The following SDHAF3 variants were observed in gnomAD, a reference collection of about 807,000 sequenced individuals.
SDHAF3 encodes the protein succinate dehydrogenase assembly factor 3, mitochondrial.
In SDHAF3, 18 loss-of-function variants were observed where a neutral mutation model predicts 11.5. The ratio of observed to expected loss-of-function variants is 1.56; its 90% CI spans 1.08 to 2.32. The LOEUF (loss-of-function observed/expected upper bound fraction) is 2.32. Among genes scored for constraint, SDHAF3 ranks in the 30% most tolerant of loss-of-function variants. The pLI is 0.00. For missense variants in SDHAF3, 200 were observed against 154.4 expected (o/e 1.30, Z -1.57); for synonymous variants, 72 against 59.3 (o/e 1.21, Z -0.99).
chr7:97,137,837 G>T (rs1240436890), intron 1 of SDHAF3, among the ~76,000 whole-genome samples: 1 of 144,150 alleles, frequency 6.9e-6, no homozygotes, highest in Non-Finnish European at 1.5e-5. Context: ...CATGTCACTT[G>T]CCATTCCTTC....
At chr7:97,121,617 A>G (rs927202376) in intron 1 of SDHAF3, among the ~76,000 whole-genome samples, 2 of 152,226 alleles carry the variant, frequency 1.3e-5, no homozygotes, top group Non-Finnish European at 2.9e-5. Flanking sequence ...TTTTACTTTC[A>G]CAGTGTTCAA....
intron 1 of SDHAF3, among the ~76,000 whole-genome samples, chr7:97,133,437 C>T (rs995232982): frequency 2.6e-5 from 4 of 152,098 alleles, no homozygotes; most frequent in Admixed American, 2.0e-4. Flanking sequence ...GAGCTTTTTT[C>T]ATCAGACCTC....
intron 1 of SDHAF3, among the ~76,000 whole-genome samples, chr7:97,125,936 C>T (rs532474771): frequency 7.2e-5 from 11 of 152,304 alleles, no homozygotes; most frequent in Non-Finnish European, 4.4e-5. Flanking sequence ...GAATTTGCAG[C>T]ATTTTTGTGC....
In SDHAF3 at chr7:97,181,441, G is replaced by T; in HGVS notation, c.*226G>T. The T allele has an allele frequency of 2.7e-6, 1 of 368,702 alleles. No homozygotes were observed. Among genetic ancestry groups the T allele is most frequent in the South Asian group, 5.3e-5 (1 of 19,012 alleles). 22.8% of individuals were successfully genotyped at this position (368,702 alleles called of 1,614,324 possible). ...TGAAATTCAGTTTTGGAACTAAACA[G>T]CAAATTTCTAGAATTTTGCTGAAAA... On this transcript the variant is annotated 3_prime_UTR_variant, in exon 2 of 2. Transcript: ENST00000432641.
intron 1 of SDHAF3, among the ~76,000 whole-genome samples, chr7:97,157,084 C>T (rs761329644): frequency 4.2e-4 from 64 of 151,958 alleles, no homozygotes; most frequent in Non-Finnish European, 8.2e-4. Context: ...ATTTTAAATA[C>T]GAATTCTGTT....
intron 1 of SDHAF3, among the ~76,000 whole-genome samples, chr7:97,149,254 A>G (rs775946302): frequency 5.9e-5 from 9 of 152,046 alleles, no homozygotes; most frequent in Admixed American, 3.9e-4. Flanking sequence ...GTCTTTTGAT[A>G]TACATTTAGT....
At chr7:97,133,856 A>G (rs1791706649) in intron 1 of SDHAF3, among the ~76,000 whole-genome samples, 1 of 152,216 alleles carries the variant, frequency 6.6e-6, no homozygotes, top group Non-Finnish European at 1.5e-5. Context: ...GCTTTATTCG[A>G]ATAGATTTAA....
intron 1 of SDHAF3, among the ~76,000 whole-genome samples, chr7:97,148,838 A>G (rs1385964054): frequency 1.3e-5 from 2 of 152,162 alleles, no homozygotes; most frequent in Non-Finnish European, 2.9e-5. Flanking sequence ...TCAGTGTAAT[A>G]TGTAAATATA....
intron 1 of SDHAF3, among the ~76,000 whole-genome samples, chr7:97,123,756 G>C (rs1202469946): frequency 2.7e-5 from 4 of 150,032 alleles, no homozygotes; most frequent in Non-Finnish European, 4.4e-5. Context: ...GTGATGATGA[G>C]CTTTTCTTAT....
chr7:97,132,400 G>A (rs2115640010), intron 1 of SDHAF3, among the ~76,000 whole-genome samples: 1 of 152,164 alleles, frequency 6.6e-6, no homozygotes, highest in African/African-American at 2.4e-5. Flanking sequence ...GTAACCGTTA[G>A]AAAAAATATT....
intron 1 of SDHAF3, among the ~76,000 whole-genome samples, chr7:97,177,361 G>T (rs1584236784): frequency 6.6e-6 from 1 of 151,836 alleles, no homozygotes; most frequent in African/African-American, 2.4e-5. Context: ...ATTTACCTGG[G>T]CGTGATGGTG....
chr7:97,143,768 G>T (rs1331313306), intron 1 of SDHAF3, among the ~76,000 whole-genome samples: 1 of 151,922 alleles, frequency 6.6e-6, no homozygotes, highest in Non-Finnish European at 1.5e-5. Flanking sequence ...TTGCAATTGT[G>T]AATTGTGCTG....
chr7:97,175,828 TG>T (rs1452655187), intron 1 of SDHAF3, among the ~76,000 whole-genome samples: 2 of 152,222 alleles, frequency 1.3e-5, no homozygotes, highest in Non-Finnish European at 2.9e-5. Flanking sequence ...TGTAGTTCAC[TG>T]CTGTATTAAT....
chr7:97,130,374 T>G (rs1791649790), intron 1 of SDHAF3, among the ~76,000 whole-genome samples: 1 of 151,968 alleles, frequency 6.6e-6, no homozygotes, highest in Admixed American at 6.5e-5. Flanking sequence ...CAAGACAGCT[T>G]ATTTCTGCTG....
At chr7:97,136,998 T>G (rs1788932105) in intron 1 of SDHAF3, among the ~76,000 whole-genome samples, 1 of 152,200 alleles carries the variant, frequency 6.6e-6, no homozygotes, top group Admixed American at 6.5e-5. Context: ...ACCATTTTCT[T>G]TAAATATAGG....
Position 97,168,846 on chromosome 7 carries a change from T to C in SDHAF3, c.175-12166T>C, listed in dbSNP as rs182363518. 6.6e-5 allele frequency among the ~76,000 whole-genome samples: 10 copies of C among 152,360 alleles called. No individual in the cohort carries two copies. In the East Asian group the frequency reaches 1.5e-3, roughly 23 times the overall value. ...ATCCTGTTCATTTCTTACATACTTA[T>C]TCTTATATTCTCCTTTAGTGAGTAA... On this transcript the variant is annotated intron_variant, in intron 1 of 1. Transcript: ENST00000432641.
intron 1 of SDHAF3, among the ~76,000 whole-genome samples, chr7:97,120,868 C>T (rs373155048): frequency 5.3e-5 from 8 of 152,126 alleles, no homozygotes; most frequent in African/African-American, 1.9e-4. Context: ...TAATTCTCTT[C>T]ATTTGTGATC....
intron 1 of SDHAF3, among the ~76,000 whole-genome samples, chr7:97,123,064 G>T (rs1791525064): frequency 6.6e-6 from 1 of 152,056 alleles, no homozygotes; most frequent in African/African-American, 2.4e-5. Context: ...TACCATGGTG[G>T]TTTGCTATAC....
rs187300896 is a variant in SDHAF3, at chr7:97,154,062, T to C, written c.175-26950T>C. ...GTGGTGGGATTATCATTAGTTCTTA[T>C]AGGTTTTGGGATAGGCGGTGGAGTT... On this transcript the variant is annotated intron_variant, in intron 1 of 1. Transcript: ENST00000432641. 1.8e-3 allele frequency among the ~76,000 whole-genome samples: 275 copies of C among 152,230 alleles called. 1 individual carries two copies. Among genetic ancestry groups the C allele is most frequent in the African/African-American group, 5.9e-3 (246 of 41,510 alleles).
Sources: gnomAD v4.1 joint callset for allele counts (sites outside exome capture counted in the v4.1 genomes callset) on GRCh38, gnomAD v4.1.1 for gene constraint, MANE v1.5 for transcripts, NCBI Gene and HGNC (gene_info 2026-07-23, HGNC 2026-07-21) for gene names.